Variants in CNTNAP2 observed in about 807,000 individuals in gnomAD.
CNTNAP2 encodes the protein contactin associated protein 2, also known as contactin-associated protein-like 2.
CNTNAP2 carries 98 observed loss-of-function variants against 155.2 expected under a neutral mutation model. The ratio of observed to expected loss-of-function variants is 0.63; its 90% CI spans 0.54 to 0.75. The LOEUF (loss-of-function observed/expected upper bound fraction) is 0.75. Among genes scored for constraint, CNTNAP2 ranks in the 30% least tolerant of loss-of-function variants. CNTNAP2 has a pLI of 0.00. For missense variants in CNTNAP2, 1,727 were observed against 1,688.1 expected (o/e 1.02, Z -0.40); for synonymous variants, 651 against 631.2 (o/e 1.03, Z -0.47).
rs370745739 is a variant in CNTNAP2 at position 147,567,969 on chromosome 7, C to T, written c.1897+5712C>T. On this transcript the variant is annotated intron_variant, in intron 12 of 23. Coordinates refer to ENST00000361727, the MANE Select transcript of CNTNAP2 (RefSeq NM_014141.6). Reference sequence around the variant, plus strand: ...GGTGTGGTGGCGCACACCTGTAGTCCCAGCTACACAGGAGGCTGAGACAGG... The same window carrying T: ...GGTGTGGTGGCGCACACCTGTAGTCTCAGCTACACAGGAGGCTGAGACAGG... Among the ~76,000 whole-genome samples, 17 of 152,176 alleles carry T rather than the reference C, an allele frequency of 1.1e-4. 1 individual carries two copies. The highest frequency in any genetic ancestry group is 3.9e-4 in the Admixed American group (6 of 15,280).
chr7:146,856,622 A>T (rs1438818245), intron 3 of CNTNAP2, among the ~76,000 whole-genome samples: 1 of 152,162 alleles, frequency 6.6e-6, no homozygotes, highest in Non-Finnish European at 1.5e-5. Flanking sequence ...ATATTTACAC[A>T]AGAGAAATTA....
At chr7:147,916,504 A>C (rs1008774896) in intron 14 of CNTNAP2, among the ~76,000 whole-genome samples, 2 of 152,124 alleles carry the variant, frequency 1.3e-5, no homozygotes, top group Admixed American at 1.3e-4. Flanking sequence ...ATAGCCTACC[A>C]ACAAAATGTT....
At chr7:148,068,433 T>A (rs1221757526) in intron 15 of CNTNAP2, among the ~76,000 whole-genome samples, 3 of 152,228 alleles carry the variant, frequency 2.0e-5, no homozygotes, top group Admixed American at 6.5e-5. Flanking sequence ...ATTCTTCTCC[T>A]GTGATCTGAA....
intron 15 of CNTNAP2, among the ~76,000 whole-genome samples, chr7:148,107,833 G>T (rs1804257058): frequency 6.6e-6 from 1 of 152,202 alleles, no homozygotes; most frequent in South Asian, 2.1e-4. Flanking sequence ...ATTTACATTG[G>T]AAGGTGTTTG....
intron 12 of CNTNAP2, among the ~76,000 whole-genome samples, chr7:147,596,247 C>T (rs1309344373): frequency 6.6e-6 from 1 of 152,152 alleles, no homozygotes; most frequent in African/African-American, 2.4e-5. Context: ...TTCTTTTTCT[C>T]ACTCTCTTTT....
At chr7:146,444,954 A>ACATGAGCCACCCACCGAGC (rs1563086285) in intron 1 of CNTNAP2, among the ~76,000 whole-genome samples, 21 of 151,914 alleles carry the variant, frequency 1.4e-4, no homozygotes, top group Admixed American at 8.5e-4. Context: ...ACCCACCGAG[A>ACATGAGCCACCCACCGAGC]CACATAAGCC....
intron 1 of CNTNAP2, among the ~76,000 whole-genome samples, chr7:146,550,786 G>T (rs1798110491): frequency 6.6e-6 from 1 of 151,950 alleles, no homozygotes; most frequent in African/African-American, 2.4e-5. Flanking sequence ...CCATAAATAA[G>T]CTAATTAATA....
chr7:148,058,646 T>C (rs1392395220), intron 15 of CNTNAP2, among the ~76,000 whole-genome samples: 2 of 152,128 alleles, frequency 1.3e-5, no homozygotes, highest in Non-Finnish European at 2.9e-5. Flanking sequence ...GCGTGTCGCT[T>C]GACTGAGGGG....
At chr7:146,353,467 A>G (rs1584884730) in intron 1 of CNTNAP2, among the ~76,000 whole-genome samples, 2 of 152,124 alleles carry the variant, frequency 1.3e-5, no homozygotes, top group Admixed American at 6.6e-5. Context: ...CATGGATTGC[A>G]TAGTGTTTTA....
chr7:148,349,338 G>C lies in CNTNAP2; in HGVS notation c.3476-34311G>C, dbSNP rs113741105. ...GCCACATTGGAAGAAGAATTGTTTT[G>C]GGCCACACGTAAAACACACTAACAC... On this transcript the variant is annotated intron_variant, in intron 21 of 23. Coordinates refer to ENST00000361727, the MANE Select transcript of CNTNAP2 (RefSeq NM_014141.6). 6.4e-3 allele frequency among the ~76,000 whole-genome samples: 966 copies of C among 151,836 alleles called. 10 individuals carry two copies. The highest frequency in any genetic ancestry group is 0.022 in the African/African-American group (922 of 41,386).
intron 3 of CNTNAP2, among the ~76,000 whole-genome samples, chr7:146,971,412 G>A (rs898780010): frequency 3.9e-5 from 6 of 152,090 alleles, no homozygotes; most frequent in Admixed American, 6.6e-5. Flanking sequence ...AAACACTAGC[G>A]ATATGAATAA....
intron 13 of CNTNAP2, among the ~76,000 whole-genome samples, chr7:147,865,416 C>T (rs570442341): frequency 4.6e-5 from 7 of 152,036 alleles, no homozygotes; most frequent in Non-Finnish European, 1.0e-4. Context: ...TGCCAGCCTT[C>T]GGTATCAGGA....
At chr7:147,059,337 G>A (rs1799619186) in intron 4 of CNTNAP2, among the ~76,000 whole-genome samples, 1 of 152,086 alleles carries the variant, frequency 6.6e-6, no homozygotes, top group Admixed American at 6.5e-5. Flanking sequence ...GAGCTATTTG[G>A]ATAACTCTAG....
At chr7:146,206,835 T>C (rs1329681493) in intron 1 of CNTNAP2, among the ~76,000 whole-genome samples, 1 of 152,040 alleles carries the variant, frequency 6.6e-6, no homozygotes, top group African/African-American at 2.4e-5. Context: ...GCATGAATTT[T>C]ATTTCCATTT....
chr7:147,176,432 A>T (rs1802339531), intron 8 of CNTNAP2, among the ~76,000 whole-genome samples: 1 of 151,794 alleles, frequency 6.6e-6, no homozygotes. Flanking sequence ...GATAATTTAG[A>T]TATTGTGCAG....
At chr7:146,159,851 G>C (rs1474074968) in intron 1 of CNTNAP2, among the ~76,000 whole-genome samples, 3 of 152,084 alleles carry the variant, frequency 2.0e-5, no homozygotes, top group Non-Finnish European at 4.4e-5. Flanking sequence ...AGTTAACAAG[G>C]ATATCCAGGA....
At chr7:147,012,093 C>T (rs1178084584) in intron 3 of CNTNAP2, among the ~76,000 whole-genome samples, 5 of 152,160 alleles carry the variant, frequency 3.3e-5, no homozygotes, top group Non-Finnish European at 7.4e-5. Flanking sequence ...ATTTGTGATG[C>T]TTTTCTCTTG....
At chr7:147,444,635 G>T (rs1399932215) in intron 10 of CNTNAP2, among the ~76,000 whole-genome samples, 1 of 151,316 alleles carries the variant, frequency 6.6e-6, no homozygotes, top group Admixed American at 6.6e-5. Flanking sequence ...CTCTGAAGGG[G>T]TTGCTCTGCA....
intron 13 of CNTNAP2, among the ~76,000 whole-genome samples, chr7:147,700,257 A>C (rs1796216385): frequency 6.6e-6 from 1 of 152,164 alleles, no homozygotes; most frequent in Admixed American, 6.6e-5. Flanking sequence ...CCATGGATTA[A>C]AATGATTCAG....
Sources: allele counts gnomAD v4.1 joint callset (sites outside exome capture counted in the v4.1 genomes callset), GRCh38; gene constraint gnomAD v4.1.1; transcripts MANE v1.5; gene names NCBI Gene and HGNC (gene_info 2026-07-23, HGNC 2026-07-21).